Variants in HDAC9 observed in about 807,000 individuals in gnomAD.
HDAC9 encodes MEF-2 interacting transcription repressor (MITR) protein.
A neutral mutation model predicts 139.4 loss-of-function variants in HDAC9; 41 were observed. The ratio of observed to expected loss-of-function variants is 0.29; its 90% CI spans 0.23 to 0.38. HDAC9 has a LOEUF of 0.38. Among genes scored for constraint, HDAC9 ranks in the 10% least tolerant of loss-of-function variants. The pLI, the probability that HDAC9 is intolerant of heterozygous loss-of-function variation, is 1.00. For missense variants in HDAC9, 1,147 were observed against 1,297.0 expected (o/e 0.88, Z 1.78); for synonymous variants, 517 against 476.2 (o/e 1.09, Z -1.12).
At chr7:18,417,567 C>T (rs1789203240) in intron 1 of HDAC9, among the ~76,000 whole-genome samples, 1 of 152,128 alleles carries the variant, frequency 6.6e-6, no homozygotes, top group South Asian at 2.1e-4. Context: ...TACTTATAAA[C>T]AGTTTTATCC....
intron 16 of HDAC9, among the ~76,000 whole-genome samples, chr7:18,782,242 C>T (rs1361475118): frequency 6.6e-6 from 1 of 152,090 alleles, no homozygotes; most frequent in East Asian, 1.9e-4. Flanking sequence ...TAGTGTACCA[C>T]ATTAAACATG....
intron 1 of HDAC9, among the ~76,000 whole-genome samples, chr7:18,089,918 T>G (rs1254109878): frequency 1.4e-5 from 2 of 140,342 alleles, no homozygotes; most frequent in East Asian, 4.0e-4. Flanking sequence ...GCTTCATTGG[T>G]TTTTTTTTGT....
At chr7:18,270,078 C>T (rs1796258149) in intron 2 of HDAC9, among the ~76,000 whole-genome samples, 3 of 152,006 alleles carry the variant, frequency 2.0e-5, no homozygotes, top group Admixed American at 2.0e-4. Context: ...CACACTCAGC[C>T]CACATTGTGA....
intron 1 of HDAC9, among the ~76,000 whole-genome samples, chr7:18,093,171 T>C (rs1334209724): frequency 5.3e-5 from 8 of 152,154 alleles, no homozygotes; most frequent in Admixed American, 2.0e-4. Flanking sequence ...ACTCTGGCAG[T>C]TTAGTTTATA....
chr7:18,232,307 G>A (rs1168262620), intron 2 of HDAC9, among the ~76,000 whole-genome samples: 1 of 152,022 alleles, frequency 6.6e-6, no homozygotes, highest in Non-Finnish European at 1.5e-5. Context: ...TAATTAATAT[G>A]GGGTGTAATT....
At chr7:18,181,569 C>T (rs1406361) in intron 2 of HDAC9, among the ~76,000 whole-genome samples, 34,960 of 152,036 alleles carry the variant, frequency 0.23, 4,406 homozygotes, top group African/African-American at 0.33. Flanking sequence ...GGTCAAAGCA[C>T]GCATCAGCTT....
intron 2 of HDAC9, chr7:18,506,059 T>A (rs963033640): frequency 6.6e-5 from 10 of 152,342 alleles, no homozygotes; most frequent in Non-Finnish European, 1.5e-4. Context: ...GAGCATTCTG[T>A]CATTTTTGGG....
chr7:18,218,686 C>A (rs546340871), intron 2 of HDAC9, among the ~76,000 whole-genome samples: 152 of 152,082 alleles, frequency 1.0e-3, no homozygotes, highest in Non-Finnish European at 1.7e-3. Context: ...TTTGTTTTCC[C>A]TTCCATTGCA....
intron 11 of HDAC9, among the ~76,000 whole-genome samples, chr7:18,655,080 A>G (rs1345266110): frequency 6.6e-6 from 1 of 152,184 alleles, no homozygotes; most frequent in Non-Finnish European, 1.5e-5. Context: ...TTCAACTGAA[A>G]TGCAAATGTT....
At chr7:18,290,571 A>G in intron 1 of HDAC9, 1 of 456,354 alleles carries the variant, frequency 2.2e-6, no homozygotes, top group African/African-American at 2.0e-5. Flanking sequence ...AGTGGGGTAG[A>G]TGTTTTTAAG....
chr7:18,939,417 A>G (rs1214864277), intron 23 of HDAC9, among the ~76,000 whole-genome samples: 1 of 152,232 alleles, frequency 6.6e-6, no homozygotes, highest in Non-Finnish European at 1.5e-5. Flanking sequence ...TTAAAGAAAA[A>G]TACAAATGTG....
chr7:18,786,455 TTCCTTCCTTCCTTTCG>T (rs1244952069), intron 16 of HDAC9, among the ~76,000 whole-genome samples: 2 of 24,848 alleles, frequency 8.0e-5, no homozygotes, highest in African/African-American at 2.2e-4. Flanking sequence ...CCATCGCCCT[TTCCTTCCTTCCTTTCG>T]TCCTTCCTTC....
intron 12 of HDAC9, 60 bp downstream of exon 12, chr7:18,666,536 T>G (rs1372883485): frequency 3.8e-6 from 6 of 1,568,564 alleles, no homozygotes; most frequent in Non-Finnish European, 4.3e-6. Context: ...GAACATGAAA[T>G]GCATTGCAGG....
chr7:18,174,908 G>A (rs1168641364), intron 2 of HDAC9, among the ~76,000 whole-genome samples: 2 of 152,262 alleles, frequency 1.3e-5, no homozygotes, highest in East Asian at 3.9e-4. Context: ...GCTACATGGC[G>A]GCCAGGGACC....
At chr7:18,214,526 C>T (rs529220682) in intron 2 of HDAC9, among the ~76,000 whole-genome samples, 1 of 152,160 alleles carries the variant, frequency 6.6e-6, no homozygotes, top group East Asian at 1.9e-4. Flanking sequence ...ATAATTCATA[C>T]TGCTGGGGAA....
intron 2 of HDAC9, among the ~76,000 whole-genome samples, chr7:18,529,121 G>T (rs1807959626): frequency 6.6e-6 from 1 of 151,948 alleles, no homozygotes; most frequent in Non-Finnish European, 1.5e-5. Flanking sequence ...AAATAACAAT[G>T]AGTGGAAAAT....
chr7:18,458,588 T>C (rs942366997), intron 1 of HDAC9, among the ~76,000 whole-genome samples: 2 of 152,256 alleles, frequency 1.3e-5, no homozygotes, highest in East Asian at 1.9e-4. Flanking sequence ...CCAATGCTAC[T>C]GTGTTTTAAC....
intron 17 of HDAC9, among the ~76,000 whole-genome samples, chr7:18,809,229 T>C (rs1793977133): frequency 6.6e-6 from 1 of 151,970 alleles, no homozygotes; most frequent in African/African-American, 2.4e-5. Context: ...CATGAAACTA[T>C]AAAACTACTT....
At chr7:18,624,377 A>G (rs1841073352) in intron 6 of HDAC9, among the ~76,000 whole-genome samples, 1 of 152,168 alleles carries the variant, frequency 6.6e-6, no homozygotes, top group South Asian at 2.1e-4. Context: ...CTGTTTTACT[A>G]TTGATTGTTT....
Sources: allele counts gnomAD v4.1 joint callset (sites outside exome capture counted in the v4.1 genomes callset), GRCh38; gene constraint gnomAD v4.1.1; transcripts MANE v1.5; gene names NCBI Gene and HGNC (gene_info 2026-07-23, HGNC 2026-07-21).